The following MBD5 variants were observed in gnomAD, a reference collection of about 807,000 sequenced individuals.
MBD5 encodes the protein methyl-CpG-binding domain protein 5.
In MBD5, 13 loss-of-function variants were observed where a neutral mutation model predicts 117.3. That is an observed-to-expected ratio of 0.11 (90% CI 0.07 to 0.18). The LOEUF is 0.18. MBD5 is among the 10% of genes least tolerant of loss of function. The pLI is 1.00. For missense variants in MBD5, 1,879 were observed against 2,093.8 expected, an observed-to-expected ratio of 0.90 and a Z score of 2.00; for synonymous variants, 727 against 766.4, an observed-to-expected ratio of 0.95 and a Z score of 0.85.
At chr2:148,333,410 T>C (rs1423803568) in intron 3 of MBD5, among the ~76,000 whole-genome samples, 1 of 152,236 alleles carries the variant, frequency 6.6e-6, no homozygotes, top group Non-Finnish European at 1.5e-5. Flanking sequence ...AAGAATCTTC[T>C]TCCACTTTCC....
At chr2:148,128,820 T>G (rs1466971569) in intron 1 of MBD5, among the ~76,000 whole-genome samples, 2 of 152,028 alleles carry the variant, frequency 1.3e-5, no homozygotes, top group Non-Finnish European at 2.9e-5. Flanking sequence ...GCCTCCATCT[T>G]AGAAAAAAAA....
intron 5 of MBD5, among the ~76,000 whole-genome samples, chr2:148,460,956 C>G (rs901858773): frequency 2.6e-5 from 4 of 152,062 alleles, no homozygotes; most frequent in Non-Finnish European, 5.9e-5. Flanking sequence ...GTTTTTGAGA[C>G]AAAGTCTCAC....
At chr2:148,414,126 A>G (rs1705352111) in intron 4 of MBD5, among the ~76,000 whole-genome samples, 1 of 152,106 alleles carries the variant, frequency 6.6e-6, no homozygotes, top group Non-Finnish European at 1.5e-5. Flanking sequence ...GTTTCTCTTT[A>G]CACTGCTTTA....
chr2:148,309,468 T>C (rs376820674), intron 3 of MBD5, among the ~76,000 whole-genome samples: 2 of 151,808 alleles, frequency 1.3e-5, no homozygotes, highest in South Asian at 2.1e-4. Context: ...TACTGGTGTA[T>C]AGGGTGATTT....
At chr2:148,504,829 G>A (rs1056136644) in intron 12 of MBD5, among the ~76,000 whole-genome samples, 4 of 152,096 alleles carry the variant, frequency 2.6e-5, no homozygotes, top group African/African-American at 7.2e-5. Flanking sequence ...GTAAAGTATC[G>A]GATGGGAAGA....
intron 2 of MBD5, among the ~76,000 whole-genome samples, chr2:148,214,455 A>T (rs1186486606): frequency 6.6e-6 from 1 of 152,156 alleles, no homozygotes; most frequent in Non-Finnish European, 1.5e-5. Flanking sequence ...GATTGGACTT[A>T]CTCCATGGGC....
chr2:148,187,178 A>C (rs1327187519), intron 2 of MBD5, among the ~76,000 whole-genome samples: 1 of 152,196 alleles, frequency 6.6e-6, no homozygotes, highest in Non-Finnish European at 1.5e-5. Context: ...CTATGATCAC[A>C]TGTGTGGATA....
intron 1 of MBD5, among the ~76,000 whole-genome samples, chr2:148,119,967 A>G (rs866263063): frequency 6.6e-6 from 1 of 151,670 alleles, no homozygotes; most frequent in South Asian, 2.1e-4. Context: ...ATGCTCAAAT[A>G]AAGTGACACG....
intron 7 of MBD5, among the ~76,000 whole-genome samples, chr2:148,467,425 A>T (rs1171754608): frequency 6.6e-6 from 1 of 152,106 alleles, no homozygotes; most frequent in African/African-American, 2.4e-5. Context: ...AAAAGAGAAT[A>T]TGCAATTGGA....
intron 1 of MBD5, among the ~76,000 whole-genome samples, chr2:148,116,403 C>G (rs1453869664): frequency 6.6e-6 from 1 of 152,126 alleles, no homozygotes; most frequent in Non-Finnish European, 1.5e-5. Flanking sequence ...ACCTCAGAAT[C>G]TTACTATTGC....
intron 1 of MBD5, among the ~76,000 whole-genome samples, chr2:148,154,895 C>T (rs966601479): frequency 2.0e-5 from 3 of 152,308 alleles, no homozygotes; most frequent in South Asian, 2.1e-4. Context: ...CCATCTTCTG[C>T]GTCGCTCACG....
intron 1 of MBD5, among the ~76,000 whole-genome samples, chr2:148,150,990 T>C (rs931495081): frequency 6.0e-5 from 9 of 150,312 alleles, no homozygotes; most frequent in Middle Eastern, 3.3e-3. Flanking sequence ...TGAATAGGAG[T>C]GGTGAGAGAG....
chr2:148,384,489 A>T (rs1704275405), intron 4 of MBD5, among the ~76,000 whole-genome samples: 1 of 152,244 alleles, frequency 6.6e-6, no homozygotes, highest in Non-Finnish European at 1.5e-5. Flanking sequence ...AGAACATTCC[A>T]TGCTCATGGA....
intron 3 of MBD5, among the ~76,000 whole-genome samples, chr2:148,314,026 A>T (rs962068843): frequency 2.0e-5 from 3 of 151,616 alleles, no homozygotes; most frequent in Non-Finnish European, 4.4e-5. Flanking sequence ...GAAATGCAGA[A>T]ATCACCCGCC....
Position 148,483,124 on chromosome 2 carries a change from T to C in MBD5, c.2533T>C (p.Ser845Pro). The C allele has an allele frequency of 6.2e-7, 1 of 1,611,050 alleles. No individual in the cohort carries two copies. Among genetic ancestry groups the C allele is most frequent in the Non-Finnish European group, 8.5e-7 (1 of 1,179,608 alleles). The change falls in exon 9 of 14, where the codon TCA becomes CCA. Residue 845 changes from serine to proline, a missense_variant. Ser to Pro is a moderately conservative substitution (Grantham distance 74). Around this residue, in one of 4 missense-constraint regions of MBD5, gnomAD observed 1,666 missense variants for 1,792.2 expected, o/e 0.93. Coordinates refer to ENST00000642680, the MANE Select transcript of MBD5 (RefSeq NM_001378120.1). ...TSSEAGGSGP[S>P]SSIAIAGTNH... ...TTTCATTTTAGGCGGTTCAGGACCA[T>C]CATCCTCCATAGCCATAGCGGGCAC...
intron 3 of MBD5, among the ~76,000 whole-genome samples, chr2:148,245,379 C>G (rs78206670): frequency 2.0e-5 from 3 of 152,110 alleles, no homozygotes; most frequent in Non-Finnish European, 4.4e-5. Context: ...GCGCCCACCA[C>G]CATTCCTGGC....
intron 1 of MBD5, among the ~76,000 whole-genome samples, chr2:148,167,545 G>T (rs1365017924): frequency 6.6e-6 from 1 of 152,046 alleles, no homozygotes; most frequent in Non-Finnish European, 1.5e-5. Context: ...CATTGAAGTA[G>T]ATTTATGATA....
At chr2:148,154,425 G>A (rs1697799439) in intron 1 of MBD5, among the ~76,000 whole-genome samples, 1 of 151,982 alleles carries the variant, frequency 6.6e-6, no homozygotes. Context: ...GCCTACAGAG[G>A]CAGGCAGGCC....
At chr2:148,240,621 A>T (rs1390142557) in intron 3 of MBD5, among the ~76,000 whole-genome samples, 1 of 152,174 alleles carries the variant, frequency 6.6e-6, no homozygotes, top group African/African-American at 2.4e-5. Context: ...ACTCTTTCTA[A>T]TCATTACTAC....
Sources: gnomAD v4.1 joint callset for allele counts (sites outside exome capture counted in the v4.1 genomes callset) on GRCh38, gnomAD v4.1.1 for gene constraint, gnomAD v4.1.1 regional missense constraint, MANE v1.5 for transcripts, NCBI Gene and HGNC (gene_info 2026-07-23, HGNC 2026-07-21) for gene names.